KDM4B: variants seen among roughly 807,000 people sequenced by gnomAD.
KDM4B encodes lysine demethylase 4B, also known as lysine-specific demethylase 4B.
A neutral mutation model predicts 125.2 loss-of-function variants in KDM4B; 32 were observed. The observed-to-expected ratio is 0.26, with a 90% CI of 0.19 to 0.34. The LOEUF (loss-of-function observed/expected upper bound fraction) is 0.34, where lower values mean the gene tolerates loss of function less well. Ranked by LOEUF, KDM4B falls within the 10% of genes least tolerant of loss-of-function variation. The pLI is 1.00. For synonymous variants in KDM4B, 721 were observed against 677.9 expected (o/e 1.06, Z -0.99); for missense variants, 1,190 against 1,577.7 (o/e 0.75, Z 4.16).
chr19:5,008,926 T>C (rs1416593165), intron 1 of KDM4B, among the ~76,000 whole-genome samples: 1 of 114,530 alleles, frequency 8.7e-6, no homozygotes, highest in Non-Finnish European at 1.9e-5. Flanking sequence ...TTTTTTTTTT[T>C]TTTTTTAAAG....
chr19:5,084,987 C>G (rs1046751951), intron 9 of KDM4B, among the ~76,000 whole-genome samples: 1 of 151,976 alleles, frequency 6.6e-6, no homozygotes, highest in Non-Finnish European at 1.5e-5. Context: ...ATTACAGGCG[C>G]GAGCCACCAC....
rs370234089 is a variant in KDM4B at position 4,988,577 on chromosome 19, A to G, written c.-109+19347A>G. 2.0e-5 allele frequency among the ~76,000 whole-genome samples: 3 copies of G among 152,092 alleles called. No individual in the cohort carries two copies. In the East Asian group the frequency reaches 5.8e-4, roughly 29 times the overall value. On this transcript the variant is annotated intron_variant, in intron 1 of 22. Coordinates refer to ENST00000159111, the MANE Select transcript of KDM4B (RefSeq NM_015015.3). ...GGCATGAGCCACCGTGCCCGGCCTC[A>G]TGAACCCTTCTTTGAGCTTAATTTG...
At chr19:5,132,054 C>A in intron 13 of KDM4B, 47 bp downstream of exon 13, 2 of 1,528,714 alleles carry the variant, frequency 1.3e-6, no homozygotes, top group South Asian at 1.2e-5. Context: ...CTGCTCCGCG[C>A]TCTGCTGCTG....
At chr19:5,100,851 C>G (rs545565731) in intron 9 of KDM4B, among the ~76,000 whole-genome samples, 1 of 152,010 alleles carries the variant, frequency 6.6e-6, no homozygotes, top group South Asian at 2.1e-4. Flanking sequence ...TGTTATAAGC[C>G]CCGTTCTTCT....
rs1291295651 is a variant in KDM4B at position 5,043,352 on chromosome 19, G to A, written c.432+2101G>A. 6.9e-5 allele frequency among the ~76,000 whole-genome samples: 10 copies of A among 144,800 alleles called. No homozygotes were observed. In the South Asian group the frequency reaches 9.1e-4, roughly 13 times the overall value. 95.0% of individuals were successfully genotyped at this position (144,800 alleles called of 152,430 possible). On this transcript the variant is annotated intron_variant, in intron 5 of 22. Transcript: ENST00000159111. Reference sequence around the variant, plus strand: ...CACCTTATCCTGCGCAGCATTTATCGGAGTGGGGGTGTCCACCTTATCCCG... The same window carrying A: ...CACCTTATCCTGCGCAGCATTTATCAGAGTGGGGGTGTCCACCTTATCCCG...
rs2038207448 is a variant in KDM4B at position 5,078,956 on chromosome 19, G to A, written c.780+1486G>A. 1 of 152,144 alleles carries A rather than the reference G, an allele frequency of 6.6e-6. No individual in the cohort carries two copies. The highest frequency in any genetic ancestry group is 2.4e-5 in the African/African-American group (1 of 41,432). 9.4% of individuals were successfully genotyped at this position (152,144 alleles called of 1,614,324 possible). A position where few individuals can be genotyped will look rare whatever the true frequency, so the allele number is the denominator to read the frequency against. ...ACAGCACCCTGTGCCGCCCGGCCTG[G>A]GGACCGTCCTTCAGCCTCTCAGACG... On this transcript the variant is annotated intron_variant, in intron 8 of 22. Coordinates refer to ENST00000159111, the MANE Select transcript of KDM4B (RefSeq NM_015015.3). The surrounding 1 kb of genome is among the most constrained non-coding windows in gnomAD (Gnocchi z 4.5).
intron 2 of KDM4B, among the ~76,000 whole-genome samples, chr19:5,022,828 G>C (rs922993016): frequency 6.6e-6 from 1 of 151,998 alleles, no homozygotes; most frequent in Non-Finnish European, 1.5e-5. Flanking sequence ...TCTCCAGGTG[G>C]GGGGGCTTGG....
At chr19:5,004,336 C>G (rs924490094) in intron 1 of KDM4B, among the ~76,000 whole-genome samples, 1 of 152,196 alleles carries the variant, frequency 6.6e-6, no homozygotes. Flanking sequence ...GGCCCTCGCT[C>G]CCTCCTCACC....
chr19:5,025,648 C>T (rs1275882368), intron 2 of KDM4B, among the ~76,000 whole-genome samples: 2 of 152,210 alleles, frequency 1.3e-5, no homozygotes, highest in South Asian at 2.1e-4. Context: ...TCGATCCTGC[C>T]GCCTCCTCTG....
Position 5,144,266 on chromosome 19 carries a change from G to T in KDM4B, c.2755G>T (p.Val919Leu). 6.3e-7 allele frequency: 1 copy of T among 1,597,872 alleles called. No homozygotes were observed. Among genetic ancestry groups the T allele is most frequent in the Non-Finnish European group, 8.5e-7 (1 of 1,173,058 alleles). ...CTCCCAGGTCCAACTCCTGAGGGCC[G>T]TGTCCCTAGGCCAGGTGGTCATCAC... Reference protein sequence around the residue: ...GGHAVQLLRAVSLGQVVITKN... With the variant: ...GGHAVQLLRALSLGQVVITKN... Residue 919 changes from valine to leucine, a missense_variant, in exon 20 of 23, where the codon GTG (valine) becomes TTG (leucine). By Grantham distance (32) the Val-to-Leu change is conservative. Around this residue, in one of 7 missense-constraint regions of KDM4B, gnomAD observed 298 missense variants for 439.7 expected, o/e 0.68. Transcript: ENST00000159111.
chr19:5,054,746 G>T (rs570246480), intron 6 of KDM4B, among the ~76,000 whole-genome samples: 1 of 152,158 alleles, frequency 6.6e-6, no homozygotes, highest in Admixed American at 6.5e-5. Context: ...GCCGTGCTTG[G>T]GTAAGTGGTC....
intron 1 of KDM4B, among the ~76,000 whole-genome samples, chr19:4,987,144 A>G (rs1173877794): frequency 6.6e-6 from 1 of 151,988 alleles, no homozygotes; most frequent in African/African-American, 2.4e-5. Flanking sequence ...TTTTTAGTAG[A>G]GATGGGGTTT....
chr19:5,025,675 G>C (rs972785296), intron 2 of KDM4B, among the ~76,000 whole-genome samples: 1 of 152,144 alleles, frequency 6.6e-6, no homozygotes, highest in African/African-American at 2.4e-5. Context: ...CTGCCATCCG[G>C]CCTCTGGGGC....
chr19:5,021,680 G>A (rs970491780), intron 2 of KDM4B, among the ~76,000 whole-genome samples: 2 of 139,890 alleles, frequency 1.4e-5, no homozygotes, highest in Non-Finnish European at 3.0e-5. Flanking sequence ...TCTGTTGCCA[G>A]ACTGGAGTGC....
intron 1 of KDM4B, among the ~76,000 whole-genome samples, chr19:5,012,060 G>C (rs2035745594): frequency 6.6e-6 from 1 of 152,170 alleles, no homozygotes; most frequent in South Asian, 2.1e-4. Context: ...GATGCCTTGG[G>C]CTGTCACTGC....
intron 21 of KDM4B, among the ~76,000 whole-genome samples, chr19:5,145,139 T>G (rs1346256181): frequency 2.0e-5 from 3 of 152,174 alleles, no homozygotes; most frequent in Non-Finnish European, 2.9e-5. Flanking sequence ...GACATTTCCC[T>G]TTGAGACACC....
At chr19:5,085,888 C>T (rs2038476481) in intron 9 of KDM4B, among the ~76,000 whole-genome samples, 1 of 152,208 alleles carries the variant, frequency 6.6e-6, no homozygotes, top group Non-Finnish European at 1.5e-5. Context: ...TCTGTTAGAG[C>T]ATCTCGCCGC....
chr19:5,108,926 C>T (rs1022523327), intron 9 of KDM4B, among the ~76,000 whole-genome samples: 2 of 152,208 alleles, frequency 1.3e-5, no homozygotes, highest in Non-Finnish European at 2.9e-5. Flanking sequence ...CCCCACGCCC[C>T]GAGCTTCCGC....
chr19:5,086,840 T>G (rs1354880921), intron 9 of KDM4B, among the ~76,000 whole-genome samples: 1 of 152,256 alleles, frequency 6.6e-6, no homozygotes, highest in Non-Finnish European at 1.5e-5. Flanking sequence ...CATCCCTGGC[T>G]GCCCCATGGC....
Sources: gnomAD v4.1 joint callset for allele counts (sites outside exome capture counted in the v4.1 genomes callset) on GRCh38, gnomAD v4.1.1 for gene constraint, gnomAD v4.1.1 regional missense constraint, Gnocchi (gnomAD v3.1) non-coding constraint, MANE v1.5 for transcripts, NCBI Gene and HGNC (gene_info 2026-07-23, HGNC 2026-07-21) for gene names.